CCBE1: variants seen among roughly 807,000 people sequenced by gnomAD.
CCBE1 encodes the protein collagen and calcium binding EGF domains 1, also known as collagen and calcium-binding EGF domain-containing protein 1.
Under a neutral mutation model 50.0 loss-of-function variants are expected in CCBE1, and 37 were observed. The ratio of observed to expected loss-of-function variants is 0.74; its 90% CI spans 0.57 to 0.97. CCBE1 has a LOEUF of 0.97. CCBE1 is among the 50% of genes least tolerant of loss of function. CCBE1 has a pLI of 0.00. For synonymous variants in CCBE1, 234 were observed against 203.7 expected (o/e 1.15, Z -1.27); for missense variants, 538 against 523.8 (o/e 1.03, Z -0.26).
At chr18:59,498,013 T>C (rs777539136) in intron 2 of CCBE1, among the ~76,000 whole-genome samples, 24 of 152,082 alleles carry the variant, frequency 1.6e-4, no homozygotes, top group Non-Finnish European at 2.9e-4. Context: ...AAGCCAACAA[T>C]GCGAGTGAGA....
chr18:59,668,011 G>A (rs945816514), intron 2 of CCBE1, among the ~76,000 whole-genome samples: 2 of 152,116 alleles, frequency 1.3e-5, no homozygotes, highest in African/African-American at 2.4e-5. Context: ...AGTATTAGGA[G>A]AAATACATAA....
At chr18:59,495,959 T>C (rs1030889220) in intron 2 of CCBE1, among the ~76,000 whole-genome samples, 1 of 152,218 alleles carries the variant, frequency 6.6e-6, no homozygotes, top group African/African-American at 2.4e-5. Flanking sequence ...GTTCCTGGTG[T>C]AGGGTATACT....
intron 2 of CCBE1, among the ~76,000 whole-genome samples, chr18:59,548,418 G>A (rs1915790621): frequency 6.6e-6 from 1 of 152,204 alleles, no homozygotes; most frequent in African/African-American, 2.4e-5. Flanking sequence ...GAAGGAGGTG[G>A]GTTAGGGTGA....
intron 2 of CCBE1, among the ~76,000 whole-genome samples, chr18:59,531,200 C>A (rs1434886783): frequency 6.6e-6 from 1 of 152,008 alleles, no homozygotes; most frequent in Non-Finnish European, 1.5e-5. Flanking sequence ...CATGCGATTA[C>A]CAAAACTGAA....
chr18:59,517,621 T>A (rs1388002029), intron 2 of CCBE1, among the ~76,000 whole-genome samples: 1 of 152,194 alleles, frequency 6.6e-6, no homozygotes, highest in Non-Finnish European at 1.5e-5. Flanking sequence ...CCTAAGGGTG[T>A]CTAAATTGAT....
intron 2 of CCBE1, among the ~76,000 whole-genome samples, chr18:59,669,982 G>A (rs1051396331): frequency 6.6e-6 from 1 of 152,182 alleles, no homozygotes; most frequent in African/African-American, 2.4e-5. Flanking sequence ...TGGCTGCTAC[G>A]AAGTAACAGT....
At chr18:59,639,034 G>T (rs1384722649) in intron 2 of CCBE1, among the ~76,000 whole-genome samples, 1 of 152,102 alleles carries the variant, frequency 6.6e-6, no homozygotes, top group African/African-American at 2.4e-5. Context: ...AGGGTAAATG[G>T]CATCCAAAAC....
At position 59,435,826 on chromosome 18, in the gene CCBE1, A is replaced by G; in HGVS notation, c.*82T>C. The G allele has an allele frequency of 8.4e-7, 1 of 1,185,272 alleles. No individual in the cohort carries two copies. Among genetic ancestry groups the G allele is most frequent in the South Asian group, 1.2e-5 (1 of 82,458 alleles). 73.4% of individuals were successfully genotyped at this position (1,185,272 alleles called of 1,614,324 possible). On this transcript the variant is annotated 3_prime_UTR_variant, in exon 11 of 11. Coordinates refer to ENST00000439986, the MANE Select transcript of CCBE1 (RefSeq NM_133459.4). ...AAAAATGTATGTTTTCTAGGTCTCC[A>G]GTGGTCTTTCTTCTCTTTAGATGGT... is the stretch of plus-strand genomic sequence containing the variant.
chr18:59,622,829 G>GAAAAAAAAAAAAAAA (rs372756620), intron 2 of CCBE1, among the ~76,000 whole-genome samples: 2 of 137,328 alleles, frequency 1.5e-5, no homozygotes. Flanking sequence ...AAAGAAAAAA[G>GAAAAAAAAAAAAAAA]AAAAAAAAAA....
At chr18:59,496,228 C>T (rs1232833039) in intron 2 of CCBE1, among the ~76,000 whole-genome samples, 1 of 152,146 alleles carries the variant, frequency 6.6e-6, no homozygotes, top group Non-Finnish European at 1.5e-5. Flanking sequence ...TACCATTGTA[C>T]ATCCACACTG....
At chr18:59,595,748 A>G (rs539044966) in intron 2 of CCBE1, among the ~76,000 whole-genome samples, 26 of 152,368 alleles carry the variant, frequency 1.7e-4, no homozygotes, top group Non-Finnish European at 1.3e-4. Flanking sequence ...GTAACTGAAT[A>G]TATCAGTTCT....
In CCBE1 at chr18:59,697,393, G is replaced by GTCCTGCTCC. The variant is rs1346955428; in HGVS notation, c.-60_-52dup. ...GCGCCGAGCTCCGTCCGGACCAAGC[G>GTCCTGCTCC]TCCTGCTCCTCCGCGGCCGCCGCCG... On this transcript the variant is annotated 5_prime_UTR_variant, in exon 1 of 11. Coordinates refer to ENST00000439986, the MANE Select transcript of CCBE1 (RefSeq NM_133459.4). 2 of 1,523,452 alleles carry GTCCTGCTCC rather than the reference G, an allele frequency of 1.3e-6. No individual in the cohort carries two copies. Among genetic ancestry groups the GTCCTGCTCC allele is most frequent in the Non-Finnish European group, 1.8e-6 (2 of 1,136,114 alleles). 94.4% of individuals were successfully genotyped at this position (1,523,452 alleles called of 1,614,324 possible). A position where few individuals can be genotyped will look rare whatever the true frequency, so the allele number is the denominator to read the frequency against.
At chr18:59,643,412 AGGACACTCGATATC>A (rs2054015756) in intron 2 of CCBE1, among the ~76,000 whole-genome samples, 1 of 152,224 alleles carries the variant, frequency 6.6e-6, no homozygotes, top group African/African-American at 2.4e-5. Flanking sequence ...CCCAAAGGGT[AGGACACTCGATATC>A]CCAAATGTGC....
At chr18:59,614,800 C>G (rs975160004) in intron 2 of CCBE1, among the ~76,000 whole-genome samples, 4 of 152,208 alleles carry the variant, frequency 2.6e-5, no homozygotes, top group African/African-American at 9.7e-5. Context: ...TGTTAATATG[C>G]TATTAAATGG....
In CCBE1 at chr18:59,625,066, C is replaced by A. The variant is rs573632564; in HGVS notation, c.212+71563G>T. ...TTTCTAATATGCTACCAAGTTTGAC[C>A]ACCATGGTAACAAATGGAAACCAAA... On this transcript the variant is annotated intron_variant, in intron 2 of 10. Transcript: ENST00000439986. Among the ~76,000 whole-genome samples the A allele has an allele frequency of 3.3e-5, 5 of 152,284 alleles. No individual in the cohort carries two copies. The East Asian group carries it at 9.7e-4, about 29-fold the overall frequency.
intron 2 of CCBE1, among the ~76,000 whole-genome samples, chr18:59,541,369 C>G (rs1366481353): frequency 1.3e-5 from 2 of 152,134 alleles, no homozygotes; most frequent in African/African-American, 4.8e-5. Flanking sequence ...TTATACCAAA[C>G]ATAGGCAAAA....
At chr18:59,547,032 A>G (rs28707388) in intron 2 of CCBE1, among the ~76,000 whole-genome samples, 1 of 85,068 alleles carries the variant, frequency 1.2e-5, no homozygotes, top group Non-Finnish European at 2.1e-5. Context: ...AATGGGAGAG[A>G]GAAAGAGAGG....
chr18:59,531,130 A>G (rs1007651246), intron 2 of CCBE1, among the ~76,000 whole-genome samples: 3 of 152,148 alleles, frequency 2.0e-5, no homozygotes, highest in Admixed American at 6.5e-5. Context: ...TTTTTCCAGC[A>G]TAACAATGGA....
chr18:59,509,444 A>C (rs1377914688), intron 2 of CCBE1, among the ~76,000 whole-genome samples: 3 of 152,314 alleles, frequency 2.0e-5, no homozygotes, highest in Non-Finnish European at 2.9e-5. Flanking sequence ...AAATCCTGGA[A>C]ATTATATTTT....
Sources: allele counts gnomAD v4.1 joint callset (sites outside exome capture counted in the v4.1 genomes callset), GRCh38; gene constraint gnomAD v4.1.1; transcripts MANE v1.5; gene names NCBI Gene and HGNC (gene_info 2026-07-23, HGNC 2026-07-21).